GABRG3: variants seen among roughly 807,000 people sequenced by gnomAD.
GABRG3 encodes gamma-aminobutyric acid receptor subunit gamma-3.
A neutral mutation model predicts 48.8 loss-of-function variants in GABRG3; 25 were observed. That is an observed-to-expected ratio of 0.51 (90% CI 0.37 to 0.72). The LOEUF (loss-of-function observed/expected upper bound fraction) is 0.72, where lower values mean the gene tolerates loss of function less well. GABRG3 is among the 30% of genes least tolerant of loss of function. The pLI is 0.00. For synonymous variants in GABRG3, 227 were observed against 217.6 expected (o/e 1.04, Z -0.38); for missense variants, 394 against 577.9 (o/e 0.68, Z 3.26).
At chr15:27,203,461 A>G (rs1391534844) in intron 3 of GABRG3, among the ~76,000 whole-genome samples, 5 of 152,126 alleles carry the variant, frequency 3.3e-5, no homozygotes, top group African/African-American at 1.2e-4. Flanking sequence ...ATCTAGGTTG[A>G]TTCCATGTTT....
At chr15:27,193,689 C>A (rs1488030071) in intron 3 of GABRG3, among the ~76,000 whole-genome samples, 1 of 152,238 alleles carries the variant, frequency 6.6e-6, no homozygotes, top group Non-Finnish European at 1.5e-5. Context: ...GGCAATGCCT[C>A]TCCCTGCTTC....
chr15:27,047,741 T>C (rs1008552861), intron 3 of GABRG3, among the ~76,000 whole-genome samples: 5 of 152,212 alleles, frequency 3.3e-5, no homozygotes, highest in African/African-American at 1.2e-4. Context: ...GTCTTTGCTA[T>C]TGGGCTGCTG....
intron 3 of GABRG3, among the ~76,000 whole-genome samples, chr15:27,122,839 A>G (rs1442628773): frequency 6.6e-6 from 1 of 152,226 alleles, no homozygotes; most frequent in African/African-American, 2.4e-5. Context: ...CCCTTCACCC[A>G]GAGAGCTTCA....
intron 3 of GABRG3, among the ~76,000 whole-genome samples, chr15:27,133,706 C>T (rs751177546): frequency 2.6e-5 from 4 of 152,128 alleles, no homozygotes; most frequent in Non-Finnish European, 4.4e-5. Flanking sequence ...CTTGATTAGG[C>T]AATTTGTGAC....
At chr15:27,069,813 A>C (rs1010150212) in intron 3 of GABRG3, among the ~76,000 whole-genome samples, 2 of 152,258 alleles carry the variant, frequency 1.3e-5, no homozygotes, top group African/African-American at 4.8e-5. Flanking sequence ...GTTGAAACAC[A>C]TGCAAAAATC....
intron 3 of GABRG3, among the ~76,000 whole-genome samples, chr15:27,210,579 C>T (rs776293422): frequency 1.3e-5 from 2 of 152,232 alleles, no homozygotes; most frequent in East Asian, 1.9e-4. Flanking sequence ...ACAAGCACCA[C>T]GTCTACTGTG....
chr15:27,038,312 G>A (rs1896214227), intron 3 of GABRG3, among the ~76,000 whole-genome samples: 1 of 152,166 alleles, frequency 6.6e-6, no homozygotes, highest in African/African-American at 2.4e-5. Flanking sequence ...ACATGGTGCA[G>A]GGGACATAAA....
chr15:27,461,413 GTC>G (rs890082689), intron 5 of GABRG3, among the ~76,000 whole-genome samples: 3 of 152,150 alleles, frequency 2.0e-5, no homozygotes, highest in African/African-American at 7.2e-5. Flanking sequence ...TGGGTTCTTG[GTC>G]TCTCTGACTT....
chr15:27,250,551 C>G (rs900448061), intron 3 of GABRG3, among the ~76,000 whole-genome samples: 6 of 152,098 alleles, frequency 3.9e-5, no homozygotes, highest in Non-Finnish European at 7.4e-5. Flanking sequence ...CTCAGCCTCC[C>G]TAGTAGCTGA....
intron 5 of GABRG3, among the ~76,000 whole-genome samples, chr15:27,459,302 G>A (rs529805155): frequency 6.6e-6 from 1 of 152,320 alleles, no homozygotes; most frequent in South Asian, 2.1e-4. Context: ...ATCACCGCAT[G>A]CATGGACAGC....
intron 5 of GABRG3, among the ~76,000 whole-genome samples, chr15:27,412,996 T>C (rs1887841775): frequency 6.6e-6 from 1 of 152,200 alleles, no homozygotes. Flanking sequence ...ACTGTGGAAA[T>C]AAATATAATT....
chr15:27,226,458 C>T (rs6606890), intron 3 of GABRG3, among the ~76,000 whole-genome samples: 24,667 of 152,158 alleles, frequency 0.16, 2,663 homozygotes, highest in East Asian at 0.41. Context: ...TCAGAGACGA[C>T]GTGGCCCATG....
intron 5 of GABRG3, among the ~76,000 whole-genome samples, chr15:27,430,739 C>T (rs1049905634): frequency 3.3e-5 from 5 of 152,132 alleles, no homozygotes; most frequent in Admixed American, 2.0e-4. Flanking sequence ...CCTGTAATCC[C>T]AGTACTTTGG....
chr15:27,019,129 T>C (rs1433379377), intron 2 of GABRG3, among the ~76,000 whole-genome samples: 1 of 127,336 alleles, frequency 7.9e-6, no homozygotes, highest in African/African-American at 2.9e-5. Flanking sequence ...AGTGCTGTGG[T>C]GCGATCTGGG....
At chr15:27,396,938 G>T (rs1397814934) in intron 5 of GABRG3, among the ~76,000 whole-genome samples, 2 of 152,172 alleles carry the variant, frequency 1.3e-5, no homozygotes, top group Non-Finnish European at 2.9e-5. Flanking sequence ...GGTTACCTGG[G>T]GCTGGAAAAT....
rs192019851 is a variant in GABRG3 at position 27,482,849 on chromosome 15, A to G, written c.712+2062A>G. Among the ~76,000 whole-genome samples the G allele has an allele frequency of 3.4e-3, 521 of 152,350 alleles. 2 individuals carry two copies. The highest frequency in any genetic ancestry group is 0.012 in the African/African-American group (499 of 41,592). ...AGCCTGCAGGTGCATTGCCGAGTCC[A>G]GGCCCTGTGAGGTGGTCTCTGTCCA... On this transcript the variant is annotated intron_variant, in intron 6 of 9. Transcript: ENST00000615808.
chr15:27,450,204 C>T (rs1247903049), intron 5 of GABRG3, among the ~76,000 whole-genome samples: 4 of 152,126 alleles, frequency 2.6e-5, no homozygotes, highest in Non-Finnish European at 4.4e-5. Flanking sequence ...CCTCTCCTGC[C>T]GTCATTTTTT....
At chr15:27,427,224 G>A (rs572942373) in intron 5 of GABRG3, among the ~76,000 whole-genome samples, 14 of 151,948 alleles carry the variant, frequency 9.2e-5, no homozygotes, top group South Asian at 2.1e-4. Context: ...TAAATGCCTC[G>A]TCCTAATTCA....
At chr15:27,065,144 T>G (rs1470367375) in intron 3 of GABRG3, among the ~76,000 whole-genome samples, 8 of 152,128 alleles carry the variant, frequency 5.3e-5, no homozygotes, top group Admixed American at 1.3e-4. Context: ...ATGGGGACAC[T>G]CAGGAGGAAA....
Sources: gnomAD v4.1 joint callset for allele counts (sites outside exome capture counted in the v4.1 genomes callset) on GRCh38, gnomAD v4.1.1 for gene constraint, MANE v1.5 for transcripts, NCBI Gene and HGNC (gene_info 2026-07-23, HGNC 2026-07-21) for gene names.